The following STXBP5 variants were observed in gnomAD, a reference collection of about 807,000 sequenced individuals.
STXBP5 encodes syntaxin-binding protein 5.
Under a neutral mutation model 152.4 loss-of-function variants are expected in STXBP5, and 50 were observed. That is an observed-to-expected ratio of 0.33 (90% CI 0.26 to 0.42). STXBP5 has a LOEUF of 0.42. Ranked by LOEUF, STXBP5 falls within the 10% of genes least tolerant of loss-of-function variation. The pLI, the probability that STXBP5 is intolerant of heterozygous loss-of-function variation, is 1.00. For synonymous variants in STXBP5, 492 were observed against 494.7 expected, an observed-to-expected ratio of 0.99 and a Z score of 0.07; for missense variants, 1,167 against 1,388.6, an observed-to-expected ratio of 0.84 and a Z score of 2.54.
At chr6:147,246,766 T>G (rs944525767) in intron 4 of STXBP5, among the ~76,000 whole-genome samples, 5 of 152,166 alleles carry the variant, frequency 3.3e-5, no homozygotes, top group South Asian at 4.1e-4. Flanking sequence ...ATCAAGACTT[T>G]ATAACTTAAA....
Position 147,241,887 on chromosome 6 carries a change from T to C in STXBP5, c.431+2617T>C, listed in dbSNP as rs1463426986. 2.6e-5 allele frequency among the ~76,000 whole-genome samples: 4 copies of C among 152,176 alleles called. No individual in the cohort carries two copies. The East Asian group carries it at 7.7e-4, about 29-fold the overall frequency. On this transcript the variant is annotated intron_variant, in intron 4 of 27. Coordinates refer to ENST00000321680, the MANE Select transcript of STXBP5 (RefSeq NM_001127715.4). ...ATATAATTGTGTACAGTACATAATA[T>C]TTGATAATGATAACAAATGACTGTT...
chr6:147,256,408 G>A (rs1194679941), intron 4 of STXBP5, among the ~76,000 whole-genome samples: 1 of 152,160 alleles, frequency 6.6e-6, no homozygotes, highest in African/African-American at 2.4e-5. Context: ...GGGCATATAG[G>A]AGGAAGTGCA....
rs775799782 is a variant in STXBP5 at position 147,382,680 on chromosome 6, A to G, written c.3194-98A>G. 3 of 1,215,614 alleles carry G rather than the reference A, an allele frequency of 2.5e-6. No individual in the cohort carries two copies. In the South Asian group the frequency reaches 4.2e-5, roughly 17 times the overall value. 75.3% of individuals were successfully genotyped at this position (1,215,614 alleles called of 1,614,324 possible). A position where few individuals can be genotyped will look rare whatever the true frequency, so the allele number is the denominator to read the frequency against. On this transcript the variant is annotated intron_variant, in intron 26 of 27. Coordinates refer to ENST00000321680, the MANE Select transcript of STXBP5 (RefSeq NM_001127715.4). ...TTTATAATTTTATTTCAGTTGTATTACCACTCAATCCAAAAATTGTATTTT... is the reference window on the plus strand; with the variant it reads ...TTTATAATTTTATTTCAGTTGTATTGCCACTCAATCCAAAAATTGTATTTT...
intron 4 of STXBP5, among the ~76,000 whole-genome samples, chr6:147,259,341 C>G (rs1312393553): frequency 6.6e-6 from 1 of 152,034 alleles, no homozygotes; most frequent in Non-Finnish European, 1.5e-5. Flanking sequence ...AGAAAGTGAG[C>G]CTTGTGAGTA....
chr6:147,264,891 C>T (rs1779816159), intron 6 of STXBP5, among the ~76,000 whole-genome samples: 1 of 151,950 alleles, frequency 6.6e-6, no homozygotes, highest in African/African-American at 2.4e-5. Flanking sequence ...AATACTAGAG[C>T]TGGCTAGAGA....
At chr6:147,353,474 G>C in intron 22 of STXBP5, 101 bp downstream of exon 22, 1 of 686,454 alleles carries the variant, frequency 1.5e-6, no homozygotes, top group Non-Finnish European at 2.3e-6. Flanking sequence ...TGGAAAGCAA[G>C]TTTAAAATGA....
chr6:147,301,658 A>T (rs535096703), intron 9 of STXBP5, among the ~76,000 whole-genome samples: 16 of 152,290 alleles, frequency 1.1e-4, no homozygotes, highest in East Asian at 7.7e-4. Flanking sequence ...TCCCAGTCTT[A>T]ATCCCCAAAT....
chr6:147,236,285 T>C (rs983015699), intron 3 of STXBP5, among the ~76,000 whole-genome samples: 1 of 152,166 alleles, frequency 6.6e-6, no homozygotes, highest in African/African-American at 2.4e-5. Context: ...TGTATAGAAC[T>C]GTATATTAGG....
chr6:147,290,912 A>C (rs921880481), intron 8 of STXBP5, among the ~76,000 whole-genome samples, 182 bp from the exon 9 acceptor site: 2 of 152,166 alleles, frequency 1.3e-5, no homozygotes, highest in Non-Finnish European at 2.9e-5. Flanking sequence ...TGAATTTCAA[A>C]CGGTAACTTT....
At chr6:147,364,264 T>A in intron 25 of STXBP5, 98 bp downstream of exon 25, 1 of 1,097,890 alleles carries the variant, frequency 9.1e-7, no homozygotes, top group Non-Finnish European at 1.3e-6. Context: ...ACTATACAAG[T>A]GAGCCTGCTT....
At chr6:147,374,498 GTAGTTT>G (rs1219775979) in intron 26 of STXBP5, among the ~76,000 whole-genome samples, 1 of 152,130 alleles carries the variant, frequency 6.6e-6, no homozygotes, top group Non-Finnish European at 1.5e-5. Flanking sequence ...TGATTGGTCT[GTAGTTT>G]TAGTTCAGTT....
intron 8 of STXBP5, among the ~76,000 whole-genome samples, chr6:147,290,211 A>G (rs1054571431): frequency 3.9e-5 from 6 of 152,304 alleles, no homozygotes; most frequent in Non-Finnish European, 5.9e-5. Context: ...CTTGTCTCAA[A>G]AAAAAGAAAA....
chr6:147,352,868 A>G (rs1784651519), intron 21 of STXBP5, among the ~76,000 whole-genome samples: 1 of 152,154 alleles, frequency 6.6e-6, no homozygotes, highest in South Asian at 2.1e-4. Context: ...AGTAAGTAAA[A>G]ACTTTTAAAA....
Position 147,324,980 on chromosome 6 carries a change from A to G in STXBP5, c.1824A>G (p.Lys608=). Residue 608 remains lysine (K), a synonymous_variant, in exon 17 of 28, where the codon AAA becomes AAG. Transcript: ENST00000321680. ...PCLKVKNSPL[K]QSPGYQTELV... Reference sequence around the variant, plus strand: ...TTAGAGTTAAAAACTCACCACTTAAACAGTCTCCAGGTTATCAAACAGAAC... The same window carrying G: ...TTAGAGTTAAAAACTCACCACTTAAGCAGTCTCCAGGTTATCAAACAGAAC... 6.4e-7 allele frequency: 1 copy of G among 1,568,134 alleles called. No homozygotes were observed. Among genetic ancestry groups the G allele is most frequent in the Non-Finnish European group, 8.7e-7 (1 of 1,153,166 alleles).
intron 17 of STXBP5, among the ~76,000 whole-genome samples, chr6:147,326,151 G>A (rs1451467309): frequency 2.0e-5 from 3 of 152,152 alleles, no homozygotes. Context: ...GCTACAGTCT[G>A]AGATAGTCTT....
intron 8 of STXBP5, among the ~76,000 whole-genome samples, chr6:147,279,550 T>A (rs1441398982): frequency 6.6e-6 from 1 of 152,202 alleles, no homozygotes; most frequent in East Asian, 1.9e-4. Flanking sequence ...GGCTTGCTTG[T>A]TTTCTGGGAA....
chr6:147,233,636 G>A (rs896177809), intron 2 of STXBP5, among the ~76,000 whole-genome samples: 4 of 151,618 alleles, frequency 2.6e-5, no homozygotes, highest in African/African-American at 9.7e-5. Context: ...TTTAGCTGAA[G>A]CGATTAGAAT....
At chr6:147,294,237 G>T (rs1188675187) in intron 9 of STXBP5, among the ~76,000 whole-genome samples, 2 of 152,018 alleles carry the variant, frequency 1.3e-5, no homozygotes, top group Admixed American at 6.5e-5. Context: ...GCACAGTGTT[G>T]TGTGAACTCC....
intron 21 of STXBP5, among the ~76,000 whole-genome samples, chr6:147,346,325 AGGAGGACCGAC>A (rs1784327254): frequency 6.6e-6 from 1 of 152,212 alleles, no homozygotes; most frequent in Non-Finnish European, 1.5e-5. Context: ...AGTACAAGCC[AGGAGGACCGAC>A]TGACTAGAGG....
Sources: gnomAD v4.1 joint callset for allele counts (sites outside exome capture counted in the v4.1 genomes callset) on GRCh38, gnomAD v4.1.1 for gene constraint, MANE v1.5 for transcripts, NCBI Gene and HGNC (gene_info 2026-07-23, HGNC 2026-07-21) for gene names.